The following CFAP54 variants were observed in gnomAD, a reference collection of about 807,000 sequenced individuals.
CFAP54 encodes cilia- and flagella-associated protein 54.
CFAP54 carries 290 observed loss-of-function variants against 370.4 expected under a neutral mutation model. The observed-to-expected ratio is 0.78, with a 90% CI of 0.71 to 0.86. The LOEUF is 0.86. Ranked by LOEUF, CFAP54 falls within the 40% of genes least tolerant of loss-of-function variation. The pLI, the probability that CFAP54 is intolerant of heterozygous loss-of-function variation, is 0.00. For missense variants in CFAP54, 3,399 were observed against 3,528.7 expected (o/e 0.96, Z 0.93); for synonymous variants, 1,206 against 1,236.5 (o/e 0.98, Z 0.52).
intron 40 of CFAP54, among the ~76,000 whole-genome samples, chr12:96,682,513 C>T (rs766524543): frequency 6.6e-6 from 1 of 151,970 alleles, no homozygotes; most frequent in Non-Finnish European, 1.5e-5. Flanking sequence ...GCAGCTGGGA[C>T]CACAGGCTCA....
chr12:96,712,929 T>A (rs1441935689), intron 48 of CFAP54, among the ~76,000 whole-genome samples: 2 of 152,076 alleles, frequency 1.3e-5, no homozygotes, highest in Non-Finnish European at 2.9e-5. Context: ...AAAAAGCATA[T>A]GAGAAAATAC....
intron 35 of CFAP54, among the ~76,000 whole-genome samples, chr12:96,650,372 C>T (rs1463304947): frequency 6.6e-6 from 1 of 152,014 alleles, no homozygotes; most frequent in Non-Finnish European, 1.5e-5. Flanking sequence ...TATGCATGCA[C>T]CTCTCTGCCG....
At chr12:96,578,462 C>T (rs531822871) in intron 20 of CFAP54, among the ~76,000 whole-genome samples, 6 of 152,324 alleles carry the variant, frequency 3.9e-5, no homozygotes, top group Admixed American at 1.3e-4. Context: ...ACTAAGACCA[C>T]GTGCTTTACT....
chr12:96,557,364 G>T (rs1209528771), intron 17 of CFAP54, among the ~76,000 whole-genome samples: 1 of 152,142 alleles, frequency 6.6e-6, no homozygotes, highest in Non-Finnish European at 1.5e-5. Context: ...AAAGGAAGAA[G>T]TTATGGCCAA....
At chr12:96,626,199 C>T (rs1176440769) in intron 29 of CFAP54, among the ~76,000 whole-genome samples, 1 of 152,034 alleles carries the variant, frequency 6.6e-6, no homozygotes, top group Non-Finnish European at 1.5e-5. Flanking sequence ...GCCTGGGCAA[C>T]ATGGTGAAGC....
intron 66 of CFAP54, among the ~76,000 whole-genome samples, chr12:96,843,794 T>C (rs973924504): frequency 6.6e-6 from 1 of 152,172 alleles, no homozygotes; most frequent in Non-Finnish European, 1.5e-5. Flanking sequence ...ATAAATTCCT[T>C]TTACTCTGTA....
intron 63 of CFAP54, among the ~76,000 whole-genome samples, chr12:96,811,455 G>A (rs73383052): frequency 0.031 from 4,690 of 152,186 alleles, 238 homozygotes; most frequent in African/African-American, 0.1. Context: ...ACTGTAGAGG[G>A]CCTTCAAAAG....
At chr12:96,571,835 T>C (rs1007972086) in intron 19 of CFAP54, among the ~76,000 whole-genome samples, 3 of 152,218 alleles carry the variant, frequency 2.0e-5, no homozygotes, top group Admixed American at 6.5e-5. Flanking sequence ...CTCAATGAAT[T>C]GGCTGCCTTA....
chr12:96,865,683 A>T (rs1235419453), intron 67 of CFAP54, among the ~76,000 whole-genome samples: 1 of 152,146 alleles, frequency 6.6e-6, no homozygotes, highest in South Asian at 2.1e-4. Context: ...TTAAAAACAC[A>T]TCGATTCCCT....
At chr12:96,755,933 TG>T (rs1476989243) in intron 56 of CFAP54, among the ~76,000 whole-genome samples, 4 of 148,080 alleles carry the variant, frequency 2.7e-5, no homozygotes, top group Non-Finnish European at 6.1e-5. Context: ...CCCAAAGTGC[TG>T]GGATTACAAG....
At chr12:96,799,368 T>C (rs1385532367) in intron 63 of CFAP54, among the ~76,000 whole-genome samples, 1 of 152,252 alleles carries the variant, frequency 6.6e-6, no homozygotes, top group East Asian at 1.9e-4. Flanking sequence ...AGCATTTTTA[T>C]TTGCTTTTTG....
chr12:96,531,363 C>T (rs1161632756), intron 9 of CFAP54, among the ~76,000 whole-genome samples: 2 of 151,834 alleles, frequency 1.3e-5, no homozygotes, highest in African/African-American at 4.8e-5. Context: ...TTTCTTATGA[C>T]ATTCTTACAT....
intron 39 of CFAP54, among the ~76,000 whole-genome samples, chr12:96,675,919 C>G (rs1314035387): frequency 6.6e-6 from 1 of 150,598 alleles, no homozygotes. Context: ...AGGGGAACAT[C>G]ACACACCGAG....
Position 96,677,181 on chromosome 12 carries a change from TTA to T in CFAP54, c.5564-2417_5564-2416del, listed in dbSNP as rs1245495047. 5.7e-3 allele frequency among the ~76,000 whole-genome samples: 705 copies of T among 124,702 alleles called. 5 individuals are homozygous for T. The highest frequency in any genetic ancestry group is 0.02 in the African/African-American group (668 of 33,106). The allele number at this position is 124,702 out of a possible 152,430, so 81.8% of individuals were successfully genotyped here. A position where few individuals can be genotyped will look rare whatever the true frequency, so the allele number is the denominator to read the frequency against. Reference sequence around the variant, plus strand: ...CTGCACCCAGCTAACTTATTTTATTTTATTTTTTTTGTAGAGACAGGGTCTTG... The same window carrying T: ...CTGCACCCAGCTAACTTATTTTATTTTTTTTTTTGTAGAGACAGGGTCTTG... On this transcript the variant is annotated intron_variant, in intron 39 of 67. Coordinates refer to ENST00000524981, the MANE Select transcript of CFAP54 (RefSeq NM_001306084.2).
chr12:96,864,190 C>T (rs902545775), intron 67 of CFAP54, among the ~76,000 whole-genome samples: 1 of 151,968 alleles, frequency 6.6e-6, no homozygotes, highest in African/African-American at 2.4e-5. Flanking sequence ...ATAGCAGACA[C>T]CTGCAATGTT....
In CFAP54 at chr12:96,489,636, C is replaced by A. The variant is rs1003941064; in HGVS notation, c.27C>A (p.Ser9Arg). ...TGGCGGCGCAGGGCTCCCCCTCGAG[C>A]TCTCCGTCAGACGACTCTACCACCT... MAAQGSPS[S>R]SPSDDSTTSG... Residue 9 changes from serine to arginine, a missense_variant, in exon 1 of 68, where the codon AGC becomes AGA. By Grantham distance (110) the Ser-to-Arg change is moderately radical. This residue lies in a region of CFAP54 where 559 missense variants were observed against 576.7 expected (regional missense o/e 0.97). Coordinates refer to ENST00000524981, the MANE Select transcript of CFAP54 (RefSeq NM_001306084.2). 6.5e-7 allele frequency: 1 copy of A among 1,527,480 alleles called. No homozygotes were observed. Among genetic ancestry groups the A allele is most frequent in the African/African-American group, 1.4e-5 (1 of 72,868 alleles). The allele number at this position is 1,527,480 out of a possible 1,614,324, so 94.6% of individuals were successfully genotyped here. A position where few individuals can be genotyped will look rare whatever the true frequency, so the allele number is the denominator to read the frequency against.
intron 65 of CFAP54, among the ~76,000 whole-genome samples, chr12:96,825,494 CAT>C (rs1301853418): frequency 9.0e-5 from 9 of 100,056 alleles, no homozygotes; most frequent in South Asian, 3.1e-4. Context: ...ACATATATAA[CAT>C]ACATAATTAT....
chr12:96,767,494 C>T (rs140960417), intron 60 of CFAP54, among the ~76,000 whole-genome samples: 280 of 152,262 alleles, frequency 1.8e-3, no homozygotes, highest in Middle Eastern at 6.8e-3. Context: ...TACCATTAGC[C>T]CTTCTTTACT....
At chr12:96,625,300 T>C (rs903402663) in intron 28 of CFAP54, among the ~76,000 whole-genome samples, 3 of 152,166 alleles carry the variant, frequency 2.0e-5, no homozygotes, top group Non-Finnish European at 4.4e-5. Context: ...AAAAATGTCA[T>C]AGTTAGAATT....
Sources: allele counts gnomAD v4.1 joint callset (sites outside exome capture counted in the v4.1 genomes callset), GRCh38; gene constraint gnomAD v4.1.1; regional missense constraint gnomAD v4.1.1; transcripts MANE v1.5; gene names NCBI Gene and HGNC (gene_info 2026-07-23, HGNC 2026-07-21).